The following NPHP3 variants were observed in gnomAD, a reference collection of about 807,000 sequenced individuals.
NPHP3 encodes nephrocystin 3, also known as nephrocystin-3.
In NPHP3, 123 loss-of-function variants were observed where a neutral mutation model predicts 171.9. The observed-to-expected ratio is 0.72, with a 90% CI of 0.62 to 0.83. NPHP3 has a LOEUF of 0.83. Ranked by LOEUF, NPHP3 falls within the 40% of genes least tolerant of loss-of-function variation. The pLI, the probability that NPHP3 is intolerant of heterozygous loss-of-function variation, is 0.00. For synonymous variants in NPHP3, 558 were observed against 579.2 expected (o/e 0.96, Z 0.52); for missense variants, 1,506 against 1,591.9 (o/e 0.95, Z 0.92).
Position 132,681,687 on chromosome 3 carries a change from C to T in NPHP3, c.*223G>A, listed in dbSNP as rs1939034666. On this transcript the variant is annotated 3_prime_UTR_variant, in exon 27 of 27. Transcript: ENST00000337331. The stretch of plus-strand genomic sequence containing the variant: ...TCTTCTTATAATTCTAATGTGTCTA[C>T]ATCCTTGGATACCATATAATAGGAA... 1 of 538,670 alleles carries T rather than the reference C, an allele frequency of 1.9e-6. No homozygotes were observed. Among genetic ancestry groups the T allele is most frequent in the Non-Finnish European group, 3.3e-6 (1 of 300,262 alleles). 33.4% of individuals were successfully genotyped at this position (538,670 alleles called of 1,614,324 possible).
At chr3:132,694,478 A>G (rs1379382939) in intron 16 of NPHP3, among the ~76,000 whole-genome samples, 1 of 152,032 alleles carries the variant, frequency 6.6e-6, no homozygotes, top group African/African-American at 2.4e-5. Context: ...AACAAACAGG[A>G]AAAAGACATT....
At chr3:132,716,948 T>G in intron 3 of NPHP3, 39 bp from the exon 4 acceptor site, 1 of 1,607,424 alleles carries the variant, frequency 6.2e-7, no homozygotes, top group Non-Finnish European at 8.5e-7. Flanking sequence ...AAAGCCAACT[T>G]ATTGAATGTT....
chr3:132,683,335 T>C lies in NPHP3; in HGVS notation c.3696+64A>G. On this transcript the variant is annotated intron_variant, in intron 25 of 26. Transcript: ENST00000337331. Reference sequence around the variant, plus strand: ...TATTTAGTGTTCCCTATCTAATTCATGTTTACCTATGTTTTATACCATAAA... The same window carrying C: ...TATTTAGTGTTCCCTATCTAATTCACGTTTACCTATGTTTTATACCATAAA... 2.1e-6 allele frequency: 3 copies of C among 1,401,864 alleles called. No individual in the cohort carries two copies. The South Asian group carries it at 3.5e-5, about 16-fold the overall frequency. 86.8% of individuals were successfully genotyped at this position (1,401,864 alleles called of 1,614,324 possible).
chr3:132,712,776 GA>G (rs905040141), intron 6 of NPHP3, among the ~76,000 whole-genome samples: 12 of 150,002 alleles, frequency 8.0e-5, no homozygotes, highest in South Asian at 2.1e-4. Flanking sequence ...AAAAAAAAAA[GA>G]AAAAAAAATT....
chr3:132,682,971 G>T (rs1273761674), intron 25 of NPHP3, among the ~76,000 whole-genome samples, 153 bp from the exon 26 acceptor site: 1 of 152,208 alleles, frequency 6.6e-6, no homozygotes, highest in Non-Finnish European at 1.5e-5. Flanking sequence ...AATCATAGGA[G>T]AAGCAGTATA....
intron 9 of NPHP3, 38 bp downstream of exon 9, chr3:132,704,160 T>G: frequency 6.3e-7 from 1 of 1,579,792 alleles, no homozygotes; most frequent in Non-Finnish European, 8.7e-7. Flanking sequence ...CTTTAAGTGG[T>G]GACAGATCTT....
chr3:132,721,908 A>T (rs939089432), intron 1 of NPHP3, 55 bp downstream of exon 1: 2 of 1,595,284 alleles, frequency 1.3e-6, no homozygotes, highest in Non-Finnish European at 1.7e-6. Flanking sequence ...GAGAGGGAGC[A>T]GGACGGCCGT....
chr3:132,710,334 T>C (rs1283780472), intron 6 of NPHP3, among the ~76,000 whole-genome samples: 1 of 148,360 alleles, frequency 6.7e-6, no homozygotes, highest in African/African-American at 2.5e-5. Flanking sequence ...CGAAACTCTA[T>C]AGGTGATCTG....
chr3:132,688,924 G>T, intron 20 of NPHP3, 33 bp from the exon 21 acceptor site: 1 of 1,613,954 alleles, frequency 6.2e-7, no homozygotes, highest in Non-Finnish European at 8.5e-7. Flanking sequence ...GCCAGTTAAA[G>T]TGAGTGAAAT....
At chr3:132,715,709 T>C (rs755860674) in intron 4 of NPHP3, among the ~76,000 whole-genome samples, 1 of 152,234 alleles carries the variant, frequency 6.6e-6, no homozygotes, top group Non-Finnish European at 1.5e-5. Flanking sequence ...ATTTTGCTGA[T>C]AGAGAAATAA....
At chr3:132,706,579 C>T (rs140929745) in intron 7 of NPHP3, among the ~76,000 whole-genome samples, 10 of 152,068 alleles carry the variant, frequency 6.6e-5, no homozygotes, top group African/African-American at 2.2e-4. Context: ...GAAGAATGCC[C>T]AATCTGTAAG....
rs1401346392 is a variant in NPHP3 at position 132,684,588 on chromosome 3, G to A, written c.3536C>T (p.Thr1179Met). 13 of 1,613,690 alleles carry A rather than the reference G, an allele frequency of 8.1e-6. No individual in the cohort carries two copies. Among genetic ancestry groups the A allele is most frequent in the African/African-American group, 4.0e-5 (3 of 74,894 alleles). Reference protein sequence around the residue: ...LAPDHPSLAYTVKHLAILYKK... With the variant: ...LAPDHPSLAYMVKHLAILYKK... ...ATACAAGATGGCAAGATGCTTCACC[G>A]TATATGCCAAAGAAGGGTGATCAGG... Residue 1179 changes from threonine to methionine, a missense_variant, in exon 24 of 27, where the codon ACG (threonine) becomes ATG (methionine). Thr to Met is a moderately conservative substitution (Grantham distance 81). Coordinates refer to ENST00000337331, the MANE Select transcript of NPHP3 (RefSeq NM_153240.5).
intron 21 of NPHP3, 73 bp downstream of exon 21, chr3:132,688,577 C>G: frequency 1.3e-6 from 2 of 1,523,202 alleles, no homozygotes; most frequent in Non-Finnish European, 1.8e-6. Context: ...TAAAACAAAG[C>G]TTACCCTATA....
At chr3:132,704,722 T>C (rs1457525881) in intron 8 of NPHP3, among the ~76,000 whole-genome samples, 1 of 152,246 alleles carries the variant, frequency 6.6e-6, no homozygotes, top group Non-Finnish European at 1.5e-5. Flanking sequence ...AAATATGCTA[T>C]AAGAATTGAA....
At position 132,719,903 on chromosome 3, in the gene NPHP3, C is replaced by CAT. The variant is rs10590809; in HGVS notation, c.394-75_394-74dup. 0.015 allele frequency: 6,475 copies of CAT among 440,440 alleles called. 76 individuals carry two copies. Among genetic ancestry groups the CAT allele is most frequent in the African/African-American group, 0.057 (2,643 of 46,178 alleles). 27.3% of individuals were successfully genotyped at this position (440,440 alleles called of 1,614,324 possible). ...TCAATTTTACATTCTTATATATATA[C>CAT]ATATATATATATATATGTTACGTAT... On this transcript the variant is annotated intron_variant, in intron 1 of 26. Coordinates refer to ENST00000337331, the MANE Select transcript of NPHP3 (RefSeq NM_153240.5).
intron 8 of NPHP3, chr3:132,705,537 T>C (rs1273623518): frequency 6.9e-6 from 3 of 436,098 alleles, no homozygotes; most frequent in Admixed American, 3.9e-5. Context: ...TCCTCTGAGA[T>C]AGATGAGAGA....
chr3:132,708,105 G>C lies in NPHP3; in HGVS notation c.1271C>G (p.Ala424Gly). 6.2e-7 allele frequency: 1 copy of C among 1,614,056 alleles called. No individual in the cohort carries two copies. Among genetic ancestry groups the C allele is most frequent in the Non-Finnish European group, 8.5e-7 (1 of 1,179,992 alleles). ...AAAAATGCCTATGAATTTTACCTTG[G>C]CTTTGCTGGTCTTGTTTAGATTAGA... Reference protein sequence around the residue: ...QVSNLNKTSKAKIIDHSGDPA... With the variant: ...QVSNLNKTSKGKIIDHSGDPA... Residue 424 changes from alanine to glycine, a missense_variant, in exon 7 of 27, where the codon GCC (alanine) becomes GGC (glycine). Coordinates refer to ENST00000337331, the MANE Select transcript of NPHP3 (RefSeq NM_153240.5).
chr3:132,688,487 C>A (rs1939216467), intron 21 of NPHP3, among the ~76,000 whole-genome samples, 163 bp downstream of exon 21: 1 of 152,102 alleles, frequency 6.6e-6, no homozygotes, highest in African/African-American at 2.4e-5. Flanking sequence ...CATCTTCAAA[C>A]AGAGATGAAT....
At position 132,704,264 on chromosome 3, in the gene NPHP3, A is replaced by G. The variant is rs1939689613; in HGVS notation, c.1458T>C (p.Asp486=). 1 of 1,614,078 alleles carries G rather than the reference A, an allele frequency of 6.2e-7. No homozygotes were observed. The highest frequency in any genetic ancestry group is 1.7e-5 in the Admixed American group (1 of 60,006). The stretch of plus-strand genomic sequence containing the variant: ...GAAAAGTTTCCATTTGCTCTTGTTC[A>G]TCATGTATGTCCCACAGAACATCAC... ...DFGDVLWDIH[D]EQEQMETFQQ... is the part of the protein sequence containing the mutation. Residue 486 remains aspartate (D), a synonymous_variant, in exon 9 of 27, where the codon GAT becomes GAC. Transcript: ENST00000337331.
Sources: gnomAD v4.1 joint callset for allele counts (sites outside exome capture counted in the v4.1 genomes callset) on GRCh38, gnomAD v4.1.1 for gene constraint, MANE v1.5 for transcripts, NCBI Gene and HGNC (gene_info 2026-07-23, HGNC 2026-07-21) for gene names.